The following HDAC9 variants were observed in gnomAD, a reference collection of about 807,000 sequenced individuals.
HDAC9 encodes histone deacetylase 9.
Under a neutral mutation model 139.4 loss-of-function variants are expected in HDAC9, and 41 were observed. The observed-to-expected ratio is 0.29, with a 90% CI of 0.23 to 0.38. HDAC9 has a LOEUF of 0.38. Ranked by LOEUF, HDAC9 falls within the 10% of genes least tolerant of loss-of-function variation. The pLI is 1.00. For synonymous variants in HDAC9, 517 were observed against 476.2 expected, an observed-to-expected ratio of 1.09 and a Z score of -1.12; for missense variants, 1,147 against 1,297.0, an observed-to-expected ratio of 0.88 and a Z score of 1.78.
intron 1 of HDAC9, among the ~76,000 whole-genome samples, chr7:18,485,697 A>G (rs1338993576): frequency 6.6e-6 from 1 of 152,004 alleles, no homozygotes; most frequent in African/African-American, 2.4e-5. Flanking sequence ...TAGGAACTTT[A>G]TATTTACTGT....
At chr7:18,317,558 A>G (rs1799739946) in intron 1 of HDAC9, among the ~76,000 whole-genome samples, 1 of 152,216 alleles carries the variant, frequency 6.6e-6, no homozygotes, top group African/African-American at 2.4e-5. Flanking sequence ...AGTAGAACCT[A>G]TGACTCACGT....
chr7:18,750,297 A>G (rs1241694933), intron 14 of HDAC9, among the ~76,000 whole-genome samples: 21 of 152,186 alleles, frequency 1.4e-4, no homozygotes, highest in Non-Finnish European at 2.6e-4. Context: ...GGTGGATAAT[A>G]TATTCTATGT....
chr7:18,621,637 T>A (rs1216052339), intron 6 of HDAC9, among the ~76,000 whole-genome samples: 3 of 152,170 alleles, frequency 2.0e-5, no homozygotes, highest in Admixed American at 6.5e-5. Flanking sequence ...ATATATGAAT[T>A]ACATACTGTT....
In HDAC9 at chr7:18,970,539, C is replaced by T. The variant is rs183050325; in HGVS notation, c.3023-5267C>T. On this transcript the variant is annotated intron_variant, in intron 24 of 25. Coordinates refer to ENST00000686413, the MANE Select transcript of HDAC9 (RefSeq NM_178425.4). ...CAATTTAGATGAAAAATTACCTGGT[C>T]ACTCAATTTATGCACCAATTTTCAA... Among the ~76,000 whole-genome samples, 14 of 152,270 alleles carry T rather than the reference C, an allele frequency of 9.2e-5. No individual in the cohort carries two copies. The East Asian group carries it at 1.9e-3, about 21-fold the overall frequency.
intron 1 of HDAC9, among the ~76,000 whole-genome samples, chr7:18,118,225 C>G (rs938832190): frequency 1.3e-5 from 2 of 152,196 alleles, no homozygotes; most frequent in Non-Finnish European, 2.9e-5. Context: ...TCTATGACAT[C>G]TTGCTTTCTC....
intron 21 of HDAC9, among the ~76,000 whole-genome samples, chr7:18,849,702 G>GA (rs765791931): frequency 6.6e-4 from 100 of 152,004 alleles, no homozygotes; most frequent in African/African-American, 1.9e-3. Flanking sequence ...TTTTGCTGAG[G>GA]AAAAAAATAC....
At chr7:18,406,435 C>T (rs1463014065) in intron 1 of HDAC9, among the ~76,000 whole-genome samples, 4 of 151,798 alleles carry the variant, frequency 2.6e-5, no homozygotes, top group Admixed American at 6.6e-5. Flanking sequence ...CTCTGTCGCC[C>T]GGGCTGGAGT....
intron 2 of HDAC9, among the ~76,000 whole-genome samples, chr7:18,256,202 G>C (rs779074475): frequency 4.6e-5 from 7 of 152,132 alleles, no homozygotes; most frequent in African/African-American, 1.4e-4. Context: ...ACAAAAGATA[G>C]TAATGCTGTT....
In HDAC9 at chr7:18,441,761, GTT is replaced by G. The variant is rs147919858; in HGVS notation, c.-41-54498_-41-54497del. ...TATATATATACACACACACATATATGTTTTGTTGTTGTTGTTGTTGTTGTTGA... is the reference window on the plus strand; with the variant it reads ...TATATATATACACACACACATATATGTTGTTGTTGTTGTTGTTGTTGTTGA... On this transcript the variant is annotated intron_variant, in intron 1 of 3. Coordinates refer to the HDAC9 transcript ENST00000413509. Among the ~76,000 whole-genome samples, 692 of 150,274 alleles carry G rather than the reference GTT, an allele frequency of 4.6e-3. 3 individuals carry two copies. Among genetic ancestry groups the G allele is most frequent in the African/African-American group, 0.016 (649 of 40,032 alleles).
At chr7:18,435,377 A>G (rs918536760) in intron 1 of HDAC9, among the ~76,000 whole-genome samples, 2 of 152,062 alleles carry the variant, frequency 1.3e-5, no homozygotes, top group African/African-American at 4.8e-5. Context: ...CCTATGTAAC[A>G]AACCTGCACA....
chr7:18,709,400 T>G (rs1403730329), intron 12 of HDAC9, among the ~76,000 whole-genome samples: 1 of 152,244 alleles, frequency 6.6e-6, no homozygotes, highest in Admixed American at 6.5e-5. Context: ...GGCTGCATAG[T>G]ATGGAGTTTG....
intron 2 of HDAC9, among the ~76,000 whole-genome samples, chr7:18,258,502 G>C (rs1795427375): frequency 3.3e-5 from 5 of 152,080 alleles, no homozygotes; most frequent in African/African-American, 1.2e-4. Context: ...TTTTTCCCAA[G>C]TCCCCAGAGT....
At chr7:18,795,744 A>G (rs1162296119) in intron 17 of HDAC9, among the ~76,000 whole-genome samples, 2 of 152,346 alleles carry the variant, frequency 1.3e-5, no homozygotes, top group South Asian at 2.1e-4. Context: ...ATTTGGAGCC[A>G]TAGTAAAGAA....
chr7:18,237,396 C>G (rs1379134582), intron 2 of HDAC9, among the ~76,000 whole-genome samples: 1 of 152,074 alleles, frequency 6.6e-6, no homozygotes, highest in Admixed American at 6.5e-5. Flanking sequence ...TAAGGAAAAT[C>G]ACTTTGAGTG....
intron 1 of HDAC9, among the ~76,000 whole-genome samples, chr7:18,423,941 T>C (rs1789876498): frequency 6.6e-6 from 1 of 152,212 alleles, no homozygotes; most frequent in Admixed American, 6.5e-5. Context: ...AACTGTTGGC[T>C]GCCATATTTG....
intron 1 of HDAC9, among the ~76,000 whole-genome samples, chr7:18,435,079 AAAG>A (rs1304544942): frequency 4.6e-5 from 7 of 151,430 alleles, no homozygotes; most frequent in Admixed American, 3.9e-4. Context: ...AAAAAAAAAA[AAAG>A]AACAAGATCA....
intron 2 of HDAC9, among the ~76,000 whole-genome samples, chr7:18,242,312 T>A (rs948373730): frequency 1.3e-5 from 2 of 152,254 alleles, no homozygotes. Flanking sequence ...TTTTCATTAA[T>A]CCTTGTACTA....
At chr7:18,134,710 C>G (rs1439856681) in intron 1 of HDAC9, among the ~76,000 whole-genome samples, 1 of 152,082 alleles carries the variant, frequency 6.6e-6, no homozygotes, top group African/African-American at 2.4e-5. Flanking sequence ...TTACCCTCAC[C>G]CAAATAATAT....
intron 25 of HDAC9, among the ~76,000 whole-genome samples, chr7:18,980,916 C>T (rs527794366): frequency 2.0e-5 from 3 of 151,958 alleles, no homozygotes; most frequent in Admixed American, 6.6e-5. Context: ...CTCCACCTCC[C>T]GGGTTCAAGC....
Sources: allele counts gnomAD v4.1 joint callset (sites outside exome capture counted in the v4.1 genomes callset), GRCh38; gene constraint gnomAD v4.1.1; transcripts MANE v1.5; gene names NCBI Gene and HGNC (gene_info 2026-07-23, HGNC 2026-07-21).